IL1RAPL2: variants seen among roughly 807,000 people sequenced by gnomAD.
The protein encoded by IL1RAPL2 is interleukin 1 receptor accessory protein like 2.
IL1RAPL2 carries 3 observed loss-of-function variants against 44.1 expected under a neutral mutation model. That is an observed-to-expected ratio of 0.07 (90% CI 0.03 to 0.18). The LOEUF (loss-of-function observed/expected upper bound fraction) is 0.18. IL1RAPL2 is among the 10% of genes least tolerant of loss of function. The probability of loss-of-function intolerance (pLI) is 1.00; values close to 1 mark genes in which losing one functional copy is unlikely to be tolerated. For missense variants in IL1RAPL2, 391 were observed against 496.4 expected, an observed-to-expected ratio of 0.79 and a Z score of 2.02; for synonymous variants, 181 against 178.8, an observed-to-expected ratio of 1.01 and a Z score of -0.10.
chrX:105,721,040 C>T (rs140192981), intron 7 of IL1RAPL2, among the ~76,000 whole-genome samples: 1 of 111,051 alleles, frequency 9.0e-6, no homozygotes, highest in African/African-American at 3.3e-5. Context: ...ATCGTCCAAA[C>T]TGGAAACAAT....
Position 104,739,213 on chromosome X carries a change from G to A in IL1RAPL2, c.82+80218G>A, listed in dbSNP as rs185398941. 9.8e-5 allele frequency among the ~76,000 whole-genome samples: 11 copies of A among 112,137 alleles called. No homozygotes were observed. The East Asian group carries it at 2.6e-3, about 26-fold the overall frequency. ...CAGTAGTTGGCATATCAGGTGGTAA[G>A]CCTAGAAACATTCATTGAAAAGCCC... On this transcript the variant is annotated intron_variant, in intron 2 of 10. Transcript: ENST00000372582.
chrX:105,319,582 C>G (rs756274397), intron 5 of IL1RAPL2, among the ~76,000 whole-genome samples: 1 of 112,064 alleles, frequency 8.9e-6, no homozygotes, highest in African/African-American at 3.2e-5. Context: ...AAGAAGGGTG[C>G]TTTTGTGCTT....
intron 1 of IL1RAPL2, among the ~76,000 whole-genome samples, chrX:104,606,663 CAG>C (rs1016888557): frequency 9.0e-5 from 10 of 111,224 alleles, no homozygotes; most frequent in African/African-American, 2.6e-4. Flanking sequence ...ACACCGATAA[CAG>C]AGAGTCACAT....
At chrX:104,612,243 G>A (rs905059015) in intron 1 of IL1RAPL2, among the ~76,000 whole-genome samples, 3 of 111,990 alleles carry the variant, frequency 2.7e-5, no homozygotes, top group Non-Finnish European at 5.6e-5. Context: ...TGAGGACTTA[G>A]TCATAAATTC....
chrX:105,664,293 G>T (rs866201426), intron 6 of IL1RAPL2, among the ~76,000 whole-genome samples: 1 of 111,826 alleles, frequency 8.9e-6, no homozygotes, highest in Non-Finnish European at 1.9e-5. Flanking sequence ...GTGCCACAAA[G>T]AACATTTGTT....
chrX:105,104,293 A>G (rs1038755017), intron 2 of IL1RAPL2, among the ~76,000 whole-genome samples: 2 of 111,653 alleles, frequency 1.8e-5, no homozygotes, highest in African/African-American at 3.3e-5. Context: ...AAAGTTTCAG[A>G]AAAAAACACT....
rs141109858 is a variant in IL1RAPL2, at chrX:105,301,813, T to A, written c.697+34272T>A. 6.6e-3 allele frequency among the ~76,000 whole-genome samples: 745 copies of A among 112,345 alleles called. 6 individuals carry two copies. Among genetic ancestry groups the A allele is most frequent in the Non-Finnish European group, 9.7e-3 (518 of 53,271 alleles). On this transcript the variant is annotated intron_variant, in intron 5 of 10. Coordinates refer to ENST00000372582, the MANE Select transcript of IL1RAPL2 (RefSeq NM_017416.2). ...GGTTGCTTCCAAATCTTGGCTATCATGAATAGCATTGCAGTAAACATCAGA... is the reference window on the plus strand; with the variant it reads ...GGTTGCTTCCAAATCTTGGCTATCAAGAATAGCATTGCAGTAAACATCAGA...
intron 6 of IL1RAPL2, among the ~76,000 whole-genome samples, chrX:105,715,115 C>T (rs997280998): frequency 8.9e-6 from 1 of 111,784 alleles, no homozygotes; most frequent in African/African-American, 3.3e-5. Context: ...AAGATTTGTG[C>T]CCTGATTGTG....
At chrX:105,339,957 C>T (rs936559106) in intron 5 of IL1RAPL2, among the ~76,000 whole-genome samples, 9 of 111,681 alleles carry the variant, frequency 8.1e-5, no homozygotes, top group African/African-American at 2.9e-4. Context: ...ACTTGGTGTG[C>T]ACATTATTAT....
intron 2 of IL1RAPL2, among the ~76,000 whole-genome samples, chrX:104,824,472 C>T (rs1189740952): frequency 8.9e-6 from 1 of 111,927 alleles, no homozygotes; most frequent in African/African-American, 3.2e-5. Context: ...GTACCAGCTC[C>T]TCTTTGTACC....
chrX:105,406,339 T>G (rs760327035), intron 5 of IL1RAPL2: 373 of 1,065,681 alleles, frequency 3.5e-4, no homozygotes, highest in Non-Finnish European at 4.7e-4. Flanking sequence ...CCTTGCGTCA[T>G]GGACAGCTCA....
At chrX:105,241,494 A>C (rs1431046009) in intron 4 of IL1RAPL2, among the ~76,000 whole-genome samples, 1 of 111,744 alleles carries the variant, frequency 8.9e-6, no homozygotes, top group African/African-American at 3.2e-5. Flanking sequence ...AAGAAAGCCA[A>C]ATTTCATCCT....
At chrX:105,157,684 C>T (rs1164412581) in intron 2 of IL1RAPL2, among the ~76,000 whole-genome samples, 3 of 111,918 alleles carry the variant, frequency 2.7e-5, no homozygotes, top group Non-Finnish European at 5.6e-5. Flanking sequence ...GACAGATAAA[C>T]AGGTACTCTG....
At chrX:104,913,598 C>A (rs1485879783) in intron 2 of IL1RAPL2, among the ~76,000 whole-genome samples, 1 of 111,857 alleles carries the variant, frequency 8.9e-6, no homozygotes, top group Non-Finnish European at 1.9e-5. Context: ...ACCAAACACA[C>A]ACAGCCCTTT....
chrX:104,699,198 C>G (rs946493245), intron 2 of IL1RAPL2, among the ~76,000 whole-genome samples: 1 of 111,494 alleles, frequency 9.0e-6, no homozygotes, highest in Non-Finnish European at 1.9e-5. Context: ...AGGCATGATT[C>G]AAGTGCATTA....
chrX:105,641,954 C>T (rs758471271), intron 6 of IL1RAPL2, among the ~76,000 whole-genome samples: 1 of 111,584 alleles, frequency 9.0e-6, no homozygotes, highest in South Asian at 3.8e-4. Context: ...CCTCTGCTTT[C>T]ACTTTCTGAC....
intron 7 of IL1RAPL2, among the ~76,000 whole-genome samples, chrX:105,726,789 T>G (rs2038355836): frequency 9.0e-6 from 1 of 111,014 alleles, no homozygotes; most frequent in Admixed American, 9.6e-5. Flanking sequence ...ATCCAGGATT[T>G]ACCCCTGCTT....
chrX:105,464,562 T>G (rs935506184), intron 5 of IL1RAPL2, among the ~76,000 whole-genome samples: 1 of 111,624 alleles, frequency 9.0e-6, no homozygotes, highest in Non-Finnish European at 1.9e-5. Context: ...TTGAAATAAA[T>G]GCGAGCTATA....
intron 2 of IL1RAPL2, among the ~76,000 whole-genome samples, chrX:104,783,252 C>T (rs910622670): frequency 2.7e-5 from 3 of 111,477 alleles, no homozygotes; most frequent in African/African-American, 9.8e-5. Flanking sequence ...GTAGACTTGA[C>T]AAGTATCCCT....
Sources: allele counts gnomAD v4.1 joint callset (sites outside exome capture counted in the v4.1 genomes callset), GRCh38; gene constraint gnomAD v4.1.1; transcripts MANE v1.5; gene names NCBI Gene and HGNC (gene_info 2026-07-23, HGNC 2026-07-21).